The following RELT variants were observed in gnomAD, a reference collection of about 807,000 sequenced individuals.
The protein encoded by RELT is RELT TNF receptor.
RELT carries 37 observed loss-of-function variants against 51.1 expected under a neutral mutation model. The ratio of observed to expected loss-of-function variants is 0.72; its 90% CI spans 0.56 to 0.95. The LOEUF is 0.95. RELT is among the 40% of genes least tolerant of loss of function. The probability of loss-of-function intolerance (pLI) is 0.00; values close to 1 mark genes in which losing one functional copy is unlikely to be tolerated. For synonymous variants in RELT, 241 were observed against 235.7 expected, an observed-to-expected ratio of 1.02 and a Z score of -0.21; for missense variants, 535 against 572.6, an observed-to-expected ratio of 0.93 and a Z score of 0.67.
intron 1 of RELT, among the ~76,000 whole-genome samples, chr11:73,384,166 A>T (rs1391126608): frequency 6.6e-6 from 1 of 152,126 alleles, no homozygotes; most frequent in Non-Finnish European, 1.5e-5. Flanking sequence ...GAGCCTGCTG[A>T]GACCGAACTG....
At chr11:73,387,003 T>A (rs1255323195) in intron 1 of RELT, among the ~76,000 whole-genome samples, 1 of 151,028 alleles carries the variant, frequency 6.6e-6, no homozygotes, top group Admixed American at 6.6e-5. Flanking sequence ...TGGAGTACAG[T>A]GGCACAATCT....
Position 73,394,714 on chromosome 11 carries a change from C to G in RELT, c.1026C>G (p.Ile342Met), listed in dbSNP as rs1042005233. 1 of 1,610,844 alleles carries G rather than the reference C, an allele frequency of 6.2e-7. No individual in the cohort carries two copies. The highest frequency in any genetic ancestry group is 8.5e-7 in the Non-Finnish European group (1 of 1,179,892). ...AGAKAGRQGEITILSVGRFRV... is the reference protein window; with the variant it reads ...AGAKAGRQGEMTILSVGRFRV... ...CCAAGGCAGGGCGTCAGGGCGAGATCACCATCTTGTCTGTGGGCAGGTGAG... is the reference window on the plus strand; with the variant it reads ...CCAAGGCAGGGCGTCAGGGCGAGATGACCATCTTGTCTGTGGGCAGGTGAG... Residue 342 changes from isoleucine to methionine, a missense_variant, in exon 9 of 11, where the codon ATC becomes ATG. Physicochemically the swap from Ile to Met is conservative, Grantham distance 10. Coordinates refer to ENST00000064780, the MANE Select transcript of RELT (RefSeq NM_152222.2). The surrounding 1 kb of genome is among the most constrained non-coding windows in gnomAD (Gnocchi z 4.9).
chr11:73,389,016 C>A, intron 1 of RELT, 96 bp from the exon 2 acceptor site: 1 of 709,440 alleles, frequency 1.4e-6, no homozygotes. Context: ...TTGCCTGCTC[C>A]CCATGAGTCC....
rs990322186 is a variant in RELT at position 73,389,877 on chromosome 11, A to T, written c.46-674A>T. On this transcript the variant is annotated intron_variant, in intron 2 of 10. Coordinates refer to ENST00000064780, the MANE Select transcript of RELT (RefSeq NM_152222.2). Reference sequence around the variant, plus strand: ...CATCCAGCCTAGGCCAAATTGGGGGACTCTAGGAGGGATTCAGGAGAGACA... The same window carrying T: ...CATCCAGCCTAGGCCAAATTGGGGGTCTCTAGGAGGGATTCAGGAGAGACA... Among the ~76,000 whole-genome samples, 5 of 151,928 alleles carry T rather than the reference A, an allele frequency of 3.3e-5. No homozygotes were observed. In the East Asian group the frequency reaches 9.6e-4, roughly 29 times the overall value.
rs1198054244 is a variant in RELT, at chr11:73,388,770, GGCCGCCACAC to G, written c.-25-339_-25-330del. Among the ~76,000 whole-genome samples, 1 of 152,190 alleles carries G rather than the reference GGCCGCCACAC, an allele frequency of 6.6e-6. No homozygotes were observed. The highest frequency in any genetic ancestry group is 2.4e-5 in the African/African-American group (1 of 41,440). On this transcript the variant is annotated intron_variant, in intron 1 of 10. Coordinates refer to ENST00000064780, the MANE Select transcript of RELT (RefSeq NM_152222.2). The surrounding 1 kb of genome is among the most constrained non-coding windows in gnomAD (Gnocchi z 4.1). ...TTGCAACCCTGTCATCACGGACACA[GGCCGCCACAC>G]GCGCTTCCTTCCCCTGCTGATGCCT... is the stretch of plus-strand genomic sequence containing the variant.
chr11:73,382,221 T>C (rs554788738), intron 1 of RELT, among the ~76,000 whole-genome samples: 1 of 152,254 alleles, frequency 6.6e-6, no homozygotes, highest in Admixed American at 6.5e-5. Context: ...GGGATGGCCC[T>C]GGGGGCGCCT....
chr11:73,390,689 G>A, intron 3 of RELT, 64 bp downstream of exon 3: 2 of 1,611,000 alleles, frequency 1.2e-6, no homozygotes, highest in Non-Finnish European at 1.7e-6. Flanking sequence ...GCAGAGTCCT[G>A]TGCCTGGCCC....
At chr11:73,383,892 G>A (rs146865887) in intron 1 of RELT, among the ~76,000 whole-genome samples, 3 of 152,366 alleles carry the variant, frequency 2.0e-5, no homozygotes, top group African/African-American at 2.4e-5. Context: ...CCAGGGAACC[G>A]CTGGGCTCCT....
intron 1 of RELT, among the ~76,000 whole-genome samples, chr11:73,380,089 C>G (rs1042936583): frequency 6.6e-6 from 1 of 152,242 alleles, no homozygotes; most frequent in African/African-American, 2.4e-5. Flanking sequence ...TGTCCTCCCT[C>G]ACTGCTGGGG....
At position 73,397,392 on chromosome 11, in the gene RELT, C is replaced by T. The variant is rs1288619569; in HGVS notation, c.*1901C>T. The T allele has an allele frequency of 6.6e-6, 1 of 152,286 alleles. No individual in the cohort carries two copies. The highest frequency in any genetic ancestry group is 2.4e-5 in the African/African-American group (1 of 41,480). 9.4% of individuals were successfully genotyped at this position (152,286 alleles called of 1,614,324 possible). On this transcript the variant is annotated 3_prime_UTR_variant, in exon 11 of 11. Coordinates refer to ENST00000064780, the MANE Select transcript of RELT (RefSeq NM_152222.2). ...TAAAATTCCTAGGGCAAGCTTCCAA[C>T]CCGGCCCAAGGGCCGCATGTGGCCC...
In RELT at chr11:73,390,802, C is replaced by T; in HGVS notation, c.168C>T (p.Phe56=). The stretch of plus-strand genomic sequence containing the variant: ...GCAGGCCCTGCCCCCCAGGCACCTT[C>T]TCAGCTGCATGGGGCTCCAGCCCAT... ...TLCRPCPPGT[F]SAAWGSSPCQ... Residue 56 remains phenylalanine (F), a synonymous_variant, in exon 4 of 11, where the codon TTC becomes TTT. Transcript: ENST00000064780. 6.2e-7 allele frequency: 1 copy of T among 1,612,052 alleles called. No homozygotes were observed. Among genetic ancestry groups the T allele is most frequent in the Non-Finnish European group, 8.5e-7 (1 of 1,179,502 alleles).
chr11:73,377,269 A>AGAGTGTGTGTGTGTGTGT (rs1040747542), intron 1 of RELT, among the ~76,000 whole-genome samples: 1 of 146,086 alleles, frequency 6.8e-6, no homozygotes, highest in Admixed American at 6.7e-5. Flanking sequence ...AAGTGGTGTC[A>AGAGTGTGTGTGTGTGTGT]GTGTGTGTGT....
rs148879900 is a variant in RELT at position 73,394,283 on chromosome 11, C to G, written c.754C>G (p.Gln252Glu). The G allele has an allele frequency of 7.9e-5, 128 of 1,612,442 alleles. No individual in the cohort carries two copies. The highest frequency in any genetic ancestry group is 1.9e-4 in the Middle Eastern group (1 of 5,328). The change falls in exon 8 of 11, where the codon CAG becomes GAG. Residue 252 changes from glutamine (Q) to glutamate (E), a missense_variant. By Grantham distance (29) the Gln-to-Glu change is conservative (BLOSUM62 2). Transcript: ENST00000064780. This position sits in a 1 kb window ranked among gnomAD's most constrained non-coding sequence, Gnocchi z 4.9. ...GCTGCTGAAAGAGTACCACAGCAAA[C>G]AGCTGGTGCAGACGAGCCACAGGCC... is the stretch of plus-strand genomic sequence containing the variant. ...EELLKEYHSK[Q>E]LVQTSHRPVS...
At chr11:73,381,836 C>CCAGGGCCCTCCCAGA (rs1269570205) in intron 1 of RELT, among the ~76,000 whole-genome samples, 1 of 152,140 alleles carries the variant, frequency 6.6e-6, no homozygotes, top group African/African-American at 2.4e-5. Flanking sequence ...CCAGAGAGGC[C>CCAGGGCCCTCCCAGA]GAGGCCCCTC....
At chr11:73,379,169 A>G (rs1866012404) in intron 1 of RELT, among the ~76,000 whole-genome samples, 1 of 152,182 alleles carries the variant, frequency 6.6e-6, no homozygotes, top group African/African-American at 2.4e-5. Flanking sequence ...GGGCTGATGA[A>G]AATAGCTGTC....
intron 1 of RELT, among the ~76,000 whole-genome samples, chr11:73,382,383 G>A (rs1866063642): frequency 6.6e-6 from 1 of 152,224 alleles, no homozygotes; most frequent in African/African-American, 2.4e-5. Flanking sequence ...AGGGACTTGG[G>A]ATCAGTTTTA....
chr11:73,392,284 T>G lies in RELT; in HGVS notation c.441T>G (p.Pro147=), dbSNP rs759744843. Reference sequence around the variant, plus strand: ...GCAGCGGTGGTGAGACACGGCAGCCTGGGAACGGCACCCGGGCAGGTGGCC... The same window carrying G: ...GCAGCGGTGGTGAGACACGGCAGCCGGGGAACGGCACCCGGGCAGGTGGCC... ...GASSGGETRQ[P]GNGTRAGGPE... Residue 147 remains proline, a synonymous_variant, in exon 6 of 11, where the codon CCT becomes CCG. Coordinates refer to ENST00000064780, the MANE Select transcript of RELT (RefSeq NM_152222.2). The G allele has an allele frequency of 3.1e-6, 5 of 1,612,934 alleles. No homozygotes were observed. In the African/African-American group the frequency reaches 6.7e-5, roughly 22 times the overall value.
rs759316254 is a variant in RELT at position 73,393,918 on chromosome 11, G to A, written c.706+1G>A. The A allele has an allele frequency of 1.2e-6, 2 of 1,613,742 alleles. No individual in the cohort carries two copies. The highest frequency in any genetic ancestry group is 2.2e-5 in the East Asian group (1 of 44,860). ...GTGCGCTTGATCACAGAGAAGAAAG[G>A]TGAGGAGAAGGTCTGACCCCATCCC... On this transcript the variant is annotated splice_donor_variant, in intron 7 of 10. Transcript: ENST00000064780. LOFTEE classifies it high-confidence loss of function.
At chr11:73,383,886 G>A (rs1160039500) in intron 1 of RELT, among the ~76,000 whole-genome samples, 1 of 152,236 alleles carries the variant, frequency 6.6e-6, no homozygotes, top group African/African-American at 2.4e-5. Context: ...CACTTGCCAG[G>A]GAACCGCTGG....
Sources: allele counts gnomAD v4.1 joint callset (sites outside exome capture counted in the v4.1 genomes callset), GRCh38; gene constraint gnomAD v4.1.1; non-coding constraint Gnocchi (gnomAD v3.1); transcripts MANE v1.5; gene names NCBI Gene and HGNC (gene_info 2026-07-23, HGNC 2026-07-21).